MBTPS1: variants seen among roughly 807,000 people sequenced by gnomAD.
MBTPS1 encodes membrane bound transcription factor peptidase, site 1, also known as membrane-bound transcription factor site-1 protease.
In MBTPS1, 94 loss-of-function variants were observed where a neutral mutation model predicts 127.8. The observed-to-expected ratio is 0.74, with a 90% CI of 0.62 to 0.87. The LOEUF is 0.87. Among genes scored for constraint, MBTPS1 ranks in the 40% least tolerant of loss-of-function variants. MBTPS1 has a pLI of 0.00. For missense variants in MBTPS1, 1,636 were observed against 1,353.2 expected, an observed-to-expected ratio of 1.21 and a Z score of -3.28; for synonymous variants, 632 against 509.4, an observed-to-expected ratio of 1.24 and a Z score of -3.24.
At chr16:84,089,957 C>A (rs1386611957) in intron 8 of MBTPS1, among the ~76,000 whole-genome samples, 2 of 152,172 alleles carry the variant, frequency 1.3e-5, no homozygotes, top group African/African-American at 4.8e-5. Flanking sequence ...TATGTTCATG[C>A]CACTTACATC....
chr16:84,115,379 C>T lies in MBTPS1; in HGVS notation c.-325+1356G>A, dbSNP rs540976031. Among the ~76,000 whole-genome samples, 9 of 152,318 alleles carry T rather than the reference C, an allele frequency of 5.9e-5. No homozygotes were observed. The East Asian group carries it at 1.7e-3, about 29-fold the overall frequency. ...ATACGGGGTGCCTGGGGAGTGCAGT[C>T]GTTTGACACGTGTCTGGGTCAGGTC... is the stretch of plus-strand genomic sequence containing the variant. On this transcript the variant is annotated intron_variant, in intron 1 of 22. Transcript: ENST00000343411.
chr16:84,091,484 C>T (rs2086105958), intron 7 of MBTPS1, among the ~76,000 whole-genome samples: 1 of 85,136 alleles, frequency 1.2e-5, no homozygotes, highest in South Asian at 4.2e-4. Context: ...AAAACTCCAT[C>T]TCAAAAAAAA....
chr16:84,111,580 G>C (rs2086398081), intron 1 of MBTPS1, among the ~76,000 whole-genome samples: 1 of 151,910 alleles, frequency 6.6e-6, no homozygotes, highest in Admixed American at 6.6e-5. Context: ...AAGAGGTTGA[G>C]ATAATTTGAG....
intron 7 of MBTPS1, among the ~76,000 whole-genome samples, chr16:84,091,432 G>A (rs950563146): frequency 2.0e-4 from 28 of 142,070 alleles, no homozygotes; most frequent in Non-Finnish European, 3.6e-4. Context: ...GTTGCAGTGA[G>A]CCAAGACTGT....
chr16:84,108,637 G>A, intron 1 of MBTPS1, among the ~76,000 whole-genome samples: 1 of 152,180 alleles, frequency 6.6e-6, no homozygotes. Flanking sequence ...TTCTGCTGAA[G>A]ACAAGAAGGC....
chr16:84,095,471 G>T (rs1207267005), intron 4 of MBTPS1, 131 bp downstream of exon 4: 11 of 893,890 alleles, frequency 1.2e-5, no homozygotes, highest in Non-Finnish European at 1.7e-5. Context: ...AGATGTGGAA[G>T]GCTGCAGGGC....
intron 21 of MBTPS1, chr16:84,056,413 A>G: frequency 6.5e-6 from 2 of 305,688 alleles, no homozygotes; most frequent in Non-Finnish European, 6.2e-6. Context: ...AAAGCTAAAC[A>G]TGACCAAGCG....
chr16:84,083,598 T>C (rs1034766588), intron 10 of MBTPS1, among the ~76,000 whole-genome samples: 4 of 152,076 alleles, frequency 2.6e-5, no homozygotes, highest in African/African-American at 4.8e-5. Flanking sequence ...GCCAAGTATC[T>C]AGCTTTATTA....
rs1233230487 is a variant in MBTPS1 at position 84,090,905 on chromosome 16, G to A, written c.1001C>T (p.Ser334Phe). The A allele has an allele frequency of 6.2e-7, 1 of 1,611,944 alleles. No homozygotes were observed. The highest frequency in any genetic ancestry group is 1.7e-5 in the Admixed American group (1 of 59,720). The change falls in exon 8 of 23, where the codon TCT (serine) becomes TTT (phenylalanine). Residue 334 changes from serine (S) to phenylalanine (F), a missense_variant. Transcript: ENST00000343411. ...ELTANNVIMV[S>F]AIGNDGPLYG... ...AAGAGGTCCGTCATTGCCAATAGCA[G>A]AAACCATGATTACATTGTTAGCTGT...
At chr16:84,096,458 A>G (rs1409350168) in intron 3 of MBTPS1, among the ~76,000 whole-genome samples, 1 of 152,240 alleles carries the variant, frequency 6.6e-6, no homozygotes, top group Non-Finnish European at 1.5e-5. Context: ...TATACTCTAA[A>G]AAGGACGAAT....
At chr16:84,071,497 G>C (rs899963629) in intron 12 of MBTPS1, among the ~76,000 whole-genome samples, 2 of 152,250 alleles carry the variant, frequency 1.3e-5, no homozygotes, top group African/African-American at 4.8e-5. Context: ...CCCAAATAAT[G>C]AGGAAGAAAA....
chr16:84,105,884 A>G (rs1024193898), intron 1 of MBTPS1, among the ~76,000 whole-genome samples: 3 of 152,188 alleles, frequency 2.0e-5, no homozygotes, highest in African/African-American at 7.2e-5. Context: ...GTAATGAACA[A>G]AATACCATAG....
intron 9 of MBTPS1, among the ~76,000 whole-genome samples, chr16:84,087,088 T>C (rs1162589307): frequency 6.6e-6 from 1 of 151,936 alleles, no homozygotes. Flanking sequence ...CAGAAATCAA[T>C]TAATAAGTTA....
intron 11 of MBTPS1, chr16:84,075,211 C>T (rs2085836025): frequency 6.5e-6 from 1 of 152,680 alleles, no homozygotes. Flanking sequence ...TGTGAGGCAT[C>T]TTTTTCCCTT....
At chr16:84,060,857 C>G in intron 19 of MBTPS1, 44 bp from the exon 20 acceptor site, 3 of 1,484,902 alleles carry the variant, frequency 2.0e-6, no homozygotes, top group Non-Finnish European at 2.7e-6. Context: ...TTTTTTTTTT[C>G]CAGACAGAGT....
At chr16:84,096,933 T>A (rs1272052255) in intron 3 of MBTPS1, among the ~76,000 whole-genome samples, 1 of 152,202 alleles carries the variant, frequency 6.6e-6, no homozygotes, top group African/African-American at 2.4e-5. Context: ...AGTTCAGGGC[T>A]TCACAGCTTT....
rs747708516 is a variant in MBTPS1, at chr16:84,087,484, A to G, written c.1032-24T>C. 58 of 1,417,284 alleles carry G rather than the reference A, an allele frequency of 4.1e-5. 1 individual carries two copies. The highest frequency in any genetic ancestry group is 1.8e-4 in the Middle Eastern group (1 of 5,534). 87.8% of individuals were successfully genotyped at this position (1,417,284 alleles called of 1,614,324 possible). ...TGCTATATTGAGACCAAAAAAAAAA[A>G]AAAAGAAAAGAAAAAGAAAAAAACA... On this transcript the variant is annotated intron_variant, in intron 8 of 22. Coordinates refer to ENST00000343411, the MANE Select transcript of MBTPS1 (RefSeq NM_003791.4).
intron 4 of MBTPS1, among the ~76,000 whole-genome samples, chr16:84,094,984 T>G (rs1311112831): frequency 6.6e-6 from 1 of 152,176 alleles, no homozygotes; most frequent in Non-Finnish European, 1.5e-5. Flanking sequence ...GTAAAAATCT[T>G]CACATTAGAT....
chr16:84,110,812 T>C (rs1334919134), intron 1 of MBTPS1: 1 of 152,200 alleles, frequency 6.6e-6, no homozygotes, highest in Non-Finnish European at 1.5e-5. Context: ...TCGCCTGCTT[T>C]CCTAAAATCT....
Sources: allele counts gnomAD v4.1 joint callset (sites outside exome capture counted in the v4.1 genomes callset), GRCh38; gene constraint gnomAD v4.1.1; transcripts MANE v1.5; gene names NCBI Gene and HGNC (gene_info 2026-07-23, HGNC 2026-07-21).